Variants in NBAS observed in about 807,000 individuals in gnomAD.
NBAS encodes NAG/BC035112 fusion.
Under a neutral mutation model 302.5 loss-of-function variants are expected in NBAS, and 219 were observed. The observed-to-expected ratio is 0.72, with a 90% CI of 0.65 to 0.81. The LOEUF is 0.81. Among genes scored for constraint, NBAS ranks in the 30% least tolerant of loss-of-function variants. NBAS has a pLI of 0.00. For missense variants in NBAS, 2,932 were observed against 2,841.6 expected, an observed-to-expected ratio of 1.03 and a Z score of -0.72; for synonymous variants, 1,118 against 1,021.6, an observed-to-expected ratio of 1.09 and a Z score of -1.80.
intron 50 of NBAS, among the ~76,000 whole-genome samples, chr2:15,184,968 C>T (rs1273894438): frequency 1.3e-5 from 2 of 152,106 alleles, no homozygotes; most frequent in African/African-American, 4.8e-5. Flanking sequence ...ATGCTAAATT[C>T]TATAGGCCAT....
intron 10 of NBAS, among the ~76,000 whole-genome samples, chr2:15,508,013 G>C (rs536454761): frequency 2.0e-5 from 3 of 151,990 alleles, no homozygotes; most frequent in Admixed American, 1.3e-4. Flanking sequence ...GAGGAGGTTC[G>C]ATGAGAACAA....
At chr2:15,391,726 A>G (rs1558297504) in intron 28 of NBAS, among the ~76,000 whole-genome samples, 1 of 152,072 alleles carries the variant, frequency 6.6e-6, no homozygotes, top group Non-Finnish European at 1.5e-5. Context: ...CATGAAATTA[A>G]ATTTGAAACT....
In NBAS at chr2:15,538,150, G is replaced by A. The variant is rs913100288; in HGVS notation, c.513+1073C>T. On this transcript the variant is annotated intron_variant, in intron 7 of 51. Coordinates refer to ENST00000281513, the MANE Select transcript of NBAS (RefSeq NM_015909.4). ...ATACAGTATTAAATAAATTTCACCT[G>A]TTTCTTATTTTAGCTTCTCATTGTA... 2.6e-5 allele frequency among the ~76,000 whole-genome samples: 4 copies of A among 152,126 alleles called. No individual in the cohort carries two copies. In the East Asian group the frequency reaches 7.7e-4, roughly 29 times the overall value.
chr2:15,356,242 T>C, intron 33 of NBAS, 61 bp downstream of exon 33: 1 of 1,384,802 alleles, frequency 7.2e-7, no homozygotes, highest in East Asian at 2.3e-5. Context: ...GAACAGACCT[T>C]TTCCATTATC....
the NBAS span, among the ~76,000 whole-genome samples, chr2:15,030,077 C>T: frequency 1.3e-5 from 2 of 152,298 alleles, no homozygotes; most frequent in South Asian, 4.1e-4. Flanking sequence ...CACAGCTCAC[C>T]AGGGAGGAAA....
At chr2:15,254,437 G>A (rs1263051717) in intron 44 of NBAS, among the ~76,000 whole-genome samples, 2 of 152,176 alleles carry the variant, frequency 1.3e-5, no homozygotes, top group African/African-American at 4.8e-5. Context: ...TGCAGTGGTA[G>A]AAAGTGATTA....
intron 9 of NBAS, among the ~76,000 whole-genome samples, chr2:15,513,605 G>T (rs1029177381): frequency 1.3e-5 from 2 of 150,458 alleles, no homozygotes; most frequent in Non-Finnish European, 3.0e-5. Flanking sequence ...AAATGGCCTG[G>T]GTTTTTTTTT....
chr2:15,334,010 T>A (rs1378599528), intron 35 of NBAS, among the ~76,000 whole-genome samples: 2 of 152,106 alleles, frequency 1.3e-5, no homozygotes, highest in African/African-American at 4.8e-5. Flanking sequence ...AAACACCTAC[T>A]ATATGTCCAG....
At chr2:15,010,925 G>A in the NBAS span, among the ~76,000 whole-genome samples, 1 of 152,288 alleles carries the variant, frequency 6.6e-6, no homozygotes, top group East Asian at 1.9e-4. Flanking sequence ...ACAACCAGGA[G>A]ATATTAAAAT....
At chr2:15,356,801 C>T (rs762395933) in intron 32 of NBAS, among the ~76,000 whole-genome samples, 3 of 152,134 alleles carry the variant, frequency 2.0e-5, no homozygotes, top group Non-Finnish European at 4.4e-5. Flanking sequence ...ATTAAGTGAA[C>T]GGATGAAGAT....
chr2:15,307,048 C>A (rs1352969021), intron 40 of NBAS, among the ~76,000 whole-genome samples: 1 of 152,196 alleles, frequency 6.6e-6, no homozygotes, highest in African/African-American at 2.4e-5. Flanking sequence ...TTCTGCCTCC[C>A]CTCCCGGGGG....
At chr2:14,980,018 A>G in the NBAS span, among the ~76,000 whole-genome samples, 1 of 152,238 alleles carries the variant, frequency 6.6e-6, no homozygotes, top group Admixed American at 6.5e-5. Flanking sequence ...AACTGAATAG[A>G]AGACATCAAT....
At chr2:15,314,385 CA>C (rs1309196082) in intron 38 of NBAS, among the ~76,000 whole-genome samples, 1 of 151,946 alleles carries the variant, frequency 6.6e-6, no homozygotes, top group East Asian at 1.9e-4. Flanking sequence ...ACAACAACAA[CA>C]AAAAACAAGT....
chr2:15,064,367 T>A, the NBAS span, among the ~76,000 whole-genome samples: 4 of 145,998 alleles, frequency 2.7e-5, no homozygotes, highest in East Asian at 7.9e-4. Context: ...AATAAAGAGA[T>A]CACAGGACTA....
the NBAS span, among the ~76,000 whole-genome samples, chr2:14,792,442 G>C: frequency 6.6e-6 from 1 of 152,076 alleles, no homozygotes; most frequent in East Asian, 1.9e-4. Context: ...GCTGACTAGG[G>C]GATGTAGCTT....
intron 35 of NBAS, among the ~76,000 whole-genome samples, chr2:15,341,165 C>T: frequency 6.6e-6 from 1 of 152,088 alleles, no homozygotes; most frequent in African/African-American, 2.4e-5. Context: ...GTGGGCAGAT[C>T]ACTTGAGGCC....
At chr2:15,355,804 C>A (rs1399297153) in intron 33 of NBAS, among the ~76,000 whole-genome samples, 2 of 152,248 alleles carry the variant, frequency 1.3e-5, no homozygotes, top group East Asian at 3.9e-4. Flanking sequence ...GAGGCAGATG[C>A]TGCCCTACTT....
chr2:15,180,924 G>C (rs149515575), intron 50 of NBAS, among the ~76,000 whole-genome samples: 292 of 152,270 alleles, frequency 1.9e-3, no homozygotes, highest in African/African-American at 6.6e-3. Flanking sequence ...GTTTAAAAAT[G>C]CACAGAAAAA....
chr2:15,074,645 T>C, the NBAS span, among the ~76,000 whole-genome samples: 6 of 151,890 alleles, frequency 4.0e-5, no homozygotes, highest in African/African-American at 1.4e-4. Flanking sequence ...TTCTATATAA[T>C]ATAACTATAA....
Sources: allele counts gnomAD v4.1 joint callset (sites outside exome capture counted in the v4.1 genomes callset), GRCh38; gene constraint gnomAD v4.1.1; transcripts MANE v1.5; gene names NCBI Gene and HGNC (gene_info 2026-07-23, HGNC 2026-07-21).